The following UBE2E1 variants were observed in gnomAD, a reference collection of about 807,000 sequenced individuals.
UBE2E1 encodes ubiquitin conjugating enzyme E2 E1, also known as ubiquitin-conjugating enzyme E2 E1.
In UBE2E1, 6 loss-of-function variants were observed where a neutral mutation model predicts 21.4. The ratio of observed to expected loss-of-function variants is 0.28; its 90% CI spans 0.15 to 0.55. The LOEUF (loss-of-function observed/expected upper bound fraction) is 0.55. UBE2E1 is among the 20% of genes least tolerant of loss of function. The pLI is 0.93. For synonymous variants in UBE2E1, 87 were observed against 82.7 expected (o/e 1.05, Z -0.28); for missense variants, 142 against 236.5 (o/e 0.60, Z 2.62).
intron 3 of UBE2E1, among the ~76,000 whole-genome samples, chr3:23,830,755 A>G (rs1013207294): frequency 1.3e-5 from 2 of 152,232 alleles, no homozygotes; most frequent in African/African-American, 2.4e-5. Context: ...GAATGTGTCA[A>G]GCCAGATGAG....
In UBE2E1 at chr3:23,810,509, G is replaced by A. The variant is rs1307645030; in HGVS notation, c.153-951G>A. 19 of 1,535,446 alleles carry A rather than the reference G, an allele frequency of 1.2e-5. No homozygotes were observed. The highest frequency in any genetic ancestry group is 1.7e-5 in the Non-Finnish European group (19 of 1,146,586). ...AGTGGGCAGACCCCGGGAAGTTAGA[G>A]GACGCCCGGGGAAAAGCAGGTCCGG... On this transcript the variant is annotated intron_variant, in intron 2 of 5. Transcript: ENST00000306627. The surrounding 1 kb of genome is among the most constrained non-coding windows in gnomAD (Gnocchi z 5.8).
At chr3:23,852,998 C>A (rs998930459) in intron 3 of UBE2E1, among the ~76,000 whole-genome samples, 1 of 152,022 alleles carries the variant, frequency 6.6e-6, no homozygotes, top group African/African-American at 2.4e-5. Flanking sequence ...CTCACCACAA[C>A]TTACGCCTCC....
At chr3:23,888,360 T>C (rs950526764) in intron 4 of UBE2E1, 2 of 410,266 alleles carry the variant, frequency 4.9e-6, no homozygotes, top group African/African-American at 4.2e-5. Context: ...GACTGCCAGA[T>C]AAAAGTACAA....
In UBE2E1 at chr3:23,816,564, G is replaced by A. The variant is rs1363303273; in HGVS notation, c.203+5054G>A. On this transcript the variant is annotated intron_variant, in intron 3 of 5. Transcript: ENST00000306627. The surrounding 1 kb of genome is among the most constrained non-coding windows in gnomAD (Gnocchi z 4.8). ...TACTAAAAATACAAAAAAATTAGCCGGGCATGGTGGCGGGCACCTGTAGTC... is the reference window on the plus strand; with the variant it reads ...TACTAAAAATACAAAAAAATTAGCCAGGCATGGTGGCGGGCACCTGTAGTC... Among the ~76,000 whole-genome samples the A allele has an allele frequency of 1.3e-5, 2 of 152,082 alleles. No homozygotes were observed. Among genetic ancestry groups the A allele is most frequent in the Non-Finnish European group, 2.9e-5 (2 of 68,010 alleles).
At chr3:23,883,289 C>G (rs1206686888) in intron 3 of UBE2E1, among the ~76,000 whole-genome samples, 3 of 152,140 alleles carry the variant, frequency 2.0e-5, no homozygotes. Flanking sequence ...AAAGGGTGTA[C>G]TTAGGTGACC....
chr3:23,846,553 G>A (rs373287097), intron 3 of UBE2E1, among the ~76,000 whole-genome samples: 6 of 152,078 alleles, frequency 3.9e-5, no homozygotes, highest in African/African-American at 1.4e-4. Context: ...AAATTTATCC[G>A]GGTATGGTGG....
intron 3 of UBE2E1, among the ~76,000 whole-genome samples, chr3:23,847,095 T>C (rs1700223893): frequency 6.6e-6 from 1 of 152,212 alleles, no homozygotes; most frequent in South Asian, 2.1e-4. Flanking sequence ...TGATTGATGT[T>C]ATAAGAAGAA....
intron 3 of UBE2E1, among the ~76,000 whole-genome samples, chr3:23,867,721 A>G (rs1263875721): frequency 6.6e-6 from 1 of 152,196 alleles, no homozygotes; most frequent in African/African-American, 2.4e-5. Flanking sequence ...TCAGTATGTC[A>G]GTCCCATGTC....
At chr3:23,837,685 T>A (rs1401047348) in intron 3 of UBE2E1, among the ~76,000 whole-genome samples, 2 of 152,244 alleles carry the variant, frequency 1.3e-5, no homozygotes, top group Non-Finnish European at 2.9e-5. Flanking sequence ...TTTTCTTTGG[T>A]TGGCTGATTG....
intron 3 of UBE2E1, among the ~76,000 whole-genome samples, chr3:23,878,090 G>A (rs1402437772): frequency 6.6e-6 from 1 of 152,124 alleles, no homozygotes. Flanking sequence ...TCACAACTGT[G>A]TTCTGGTCAA....
chr3:23,880,447 G>C (rs1301812345), intron 3 of UBE2E1, among the ~76,000 whole-genome samples: 1 of 151,650 alleles, frequency 6.6e-6, no homozygotes, highest in East Asian at 1.9e-4. Flanking sequence ...TGTGCCTTTA[G>C]TCCCAGCTAC....
chr3:23,850,601 C>G (rs1190461347), intron 3 of UBE2E1, among the ~76,000 whole-genome samples: 1 of 151,454 alleles, frequency 6.6e-6, no homozygotes, highest in Non-Finnish European at 1.5e-5. Context: ...GCCTCAAACT[C>G]CTGAGCTCAG....
At chr3:23,813,450 G>T (rs1025286652) in intron 3 of UBE2E1, among the ~76,000 whole-genome samples, 2 of 152,084 alleles carry the variant, frequency 1.3e-5, no homozygotes, top group Non-Finnish European at 2.9e-5. Flanking sequence ...AAAGAGTTCG[G>T]TTTTACGTTT....
chr3:23,878,915 C>T, intron 3 of UBE2E1: 1 of 358,450 alleles, frequency 2.8e-6, no homozygotes, highest in South Asian at 2.3e-5. Context: ...CATCCCACCC[C>T]CCATCTGTGG....
intron 4 of UBE2E1, chr3:23,888,329 C>A (rs1559496749): frequency 8.8e-6 from 4 of 453,672 alleles, no homozygotes; most frequent in South Asian, 1.6e-5. Flanking sequence ...AGAAAGAAAA[C>A]CCCGTCTTGG....
At chr3:23,812,010 T>A (rs1240909829) in intron 3 of UBE2E1, among the ~76,000 whole-genome samples, 1 of 152,258 alleles carries the variant, frequency 6.6e-6, no homozygotes, top group Non-Finnish European at 1.5e-5. Context: ...CTGGCTTTGA[T>A]AAAGGTTTTC....
At chr3:23,855,218 C>T (rs1310676851) in intron 3 of UBE2E1, among the ~76,000 whole-genome samples, 1 of 152,150 alleles carries the variant, frequency 6.6e-6, no homozygotes, top group African/African-American at 2.4e-5. Context: ...CTAAGGGACA[C>T]AAATACACAA....
Position 23,887,594 on chromosome 3 carries a change from T to C in UBE2E1, c.231T>C (p.Tyr77=). 1 of 1,612,938 alleles carries C rather than the reference T, an allele frequency of 6.2e-7. No individual in the cohort carries two copies. The highest frequency in any genetic ancestry group is 8.5e-7 in the Non-Finnish European group (1 of 1,179,738). The stretch of plus-strand genomic sequence containing the variant: ...CTGGTCCCAAAGGCGATAACATCTA[T>C]GAATGGAGATCAACCATTCTAGGGC... ...CSAGPKGDNI[Y]EWRSTILGPP... Residue 77 remains tyrosine (Y), a synonymous_variant, in exon 4 of 6, where the codon TAT becomes TAC. Transcript: ENST00000306627. The surrounding 1 kb of genome is among the most constrained non-coding windows in gnomAD (Gnocchi z 4.4).
rs1215471386 is a variant in UBE2E1 at position 23,891,482 on chromosome 3, T to C, written c.*876T>C. Among the ~76,000 whole-genome samples the C allele has an allele frequency of 1.3e-5, 2 of 152,214 alleles. No homozygotes were observed. Among genetic ancestry groups the C allele is most frequent in the East Asian group, 3.8e-4 (2 of 5,202 alleles). On this transcript the variant is annotated 3_prime_UTR_variant, in exon 6 of 6. Coordinates refer to ENST00000306627, the MANE Select transcript of UBE2E1 (RefSeq NM_003341.5). Reference sequence around the variant, plus strand: ...GTACTTTACACAGCTGTAGATGAGGTATCCTAGAAAAGGTTAAATAATCTA... The same window carrying C: ...GTACTTTACACAGCTGTAGATGAGGCATCCTAGAAAAGGTTAAATAATCTA...
Sources: gnomAD v4.1 joint callset for allele counts (sites outside exome capture counted in the v4.1 genomes callset) on GRCh38, gnomAD v4.1.1 for gene constraint, Gnocchi (gnomAD v3.1) non-coding constraint, MANE v1.5 for transcripts, NCBI Gene and HGNC (gene_info 2026-07-23, HGNC 2026-07-21) for gene names.